The following KCNH7 variants were observed in gnomAD, a reference collection of about 807,000 sequenced individuals.
KCNH7 encodes the protein voltage-gated inwardly rectifying potassium channel KCNH7.
In KCNH7, 49 loss-of-function variants were observed where a neutral mutation model predicts 120.8. The ratio of observed to expected loss-of-function variants is 0.41; its 90% CI spans 0.32 to 0.51. The LOEUF (loss-of-function observed/expected upper bound fraction) is 0.51, where lower values mean the gene tolerates loss of function less well. KCNH7 is among the 20% of genes least tolerant of loss of function. The pLI is 0.38. For synonymous variants in KCNH7, 547 were observed against 516.1 expected (o/e 1.06, Z -0.81); for missense variants, 1,097 against 1,446.6 (o/e 0.76, Z 3.92).
rs905053751 is a variant in KCNH7 at position 162,409,262 on chromosome 2, A to G, written c.2155-8821T>C. 4.0e-5 allele frequency among the ~76,000 whole-genome samples: 6 copies of G among 151,868 alleles called. No homozygotes were observed. In the South Asian group the frequency reaches 1.0e-3, roughly 26 times the overall value. On this transcript the variant is annotated intron_variant, in intron 9 of 15. Coordinates refer to ENST00000332142, the MANE Select transcript of KCNH7 (RefSeq NM_033272.4). ...ATAAGAAAAGCAGAGGCATGGGCTG[A>G]TACAGAAAATATTATTTTATAAAAG...
chr2:162,518,367 A>T (rs964700508), intron 3 of KCNH7, among the ~76,000 whole-genome samples: 1 of 151,874 alleles, frequency 6.6e-6, no homozygotes, highest in Non-Finnish European at 1.5e-5. Flanking sequence ...TAATTTTATC[A>T]TATTTCTGAT....
At chr2:162,722,575 G>A (rs1034815085) in intron 2 of KCNH7, among the ~76,000 whole-genome samples, 3 of 152,000 alleles carry the variant, frequency 2.0e-5, no homozygotes, top group African/African-American at 7.2e-5. Context: ...ATGTCTCAGT[G>A]TAGACCAGTT....
chr2:162,806,138 G>A (rs1684533143), intron 2 of KCNH7, among the ~76,000 whole-genome samples: 3 of 152,086 alleles, frequency 2.0e-5, no homozygotes, highest in South Asian at 2.1e-4. Context: ...GATACAGTAT[G>A]CACTACTTGG....
intron 2 of KCNH7, among the ~76,000 whole-genome samples, chr2:162,575,070 A>G (rs144893162): frequency 1.3e-5 from 2 of 152,184 alleles, no homozygotes; most frequent in African/African-American, 4.8e-5. Flanking sequence ...AATTCATACC[A>G]GGTCTTGCCT....
intron 6 of KCNH7, among the ~76,000 whole-genome samples, chr2:162,450,497 A>C (rs1213160117): frequency 6.6e-6 from 1 of 152,104 alleles, no homozygotes; most frequent in African/African-American, 2.4e-5. Flanking sequence ...AGCTTTATTT[A>C]TATAGCAAGC....
chr2:162,814,502 A>C (rs1684849648), intron 2 of KCNH7, among the ~76,000 whole-genome samples: 1 of 152,202 alleles, frequency 6.6e-6, no homozygotes, highest in African/African-American at 2.4e-5. Flanking sequence ...GTTTGGAACA[A>C]AGACTTGTTA....
At chr2:162,699,723 C>T (rs1334676936) in intron 2 of KCNH7, among the ~76,000 whole-genome samples, 3 of 152,078 alleles carry the variant, frequency 2.0e-5, no homozygotes, top group Non-Finnish European at 2.9e-5. Context: ...CAATAATCAC[C>T]TCTAATAACT....
chr2:162,744,638 T>C lies in KCNH7; in HGVS notation c.307+91899A>G, dbSNP rs187748088. Among the ~76,000 whole-genome samples the C allele has an allele frequency of 8.4e-3, 1,267 of 150,316 alleles. 15 individuals carry two copies. Among genetic ancestry groups the C allele is most frequent in the African/African-American group, 0.03 (1,207 of 40,832 alleles). On this transcript the variant is annotated intron_variant, in intron 2 of 15. Transcript: ENST00000332142. ...CCCAGGCTGGAATGCAGTGGCGTGA[T>C]CTCCGCTTACTGCAAGCTTCGCCTC...
intron 2 of KCNH7, among the ~76,000 whole-genome samples, chr2:162,655,569 G>A (rs552859045): frequency 5.3e-5 from 8 of 151,862 alleles, no homozygotes; most frequent in African/African-American, 1.7e-4. Context: ...GGCGGATCAC[G>A]AGGTCAAGAG....
intron 2 of KCNH7, among the ~76,000 whole-genome samples, chr2:162,587,549 G>A (rs558521384): frequency 7.9e-5 from 12 of 152,142 alleles, no homozygotes; most frequent in African/African-American, 2.6e-4. Context: ...GATAGCAGAA[G>A]CAGCAGAAAA....
chr2:162,487,024 G>A (rs989535068), intron 6 of KCNH7, among the ~76,000 whole-genome samples: 1 of 152,162 alleles, frequency 6.6e-6, no homozygotes, highest in African/African-American at 2.4e-5. Context: ...TCTGGCCTAG[G>A]TAAGTTCTCT....
At chr2:162,634,152 A>G (rs529454840) in intron 2 of KCNH7, among the ~76,000 whole-genome samples, 3 of 152,218 alleles carry the variant, frequency 2.0e-5, no homozygotes, top group Non-Finnish European at 2.9e-5. Flanking sequence ...CTATAAGGAC[A>G]TTGTTTTCCT....
chr2:162,505,648 G>A (rs938651057), intron 5 of KCNH7, among the ~76,000 whole-genome samples: 10 of 151,776 alleles, frequency 6.6e-5, no homozygotes, highest in South Asian at 6.2e-4. Context: ...GCAATATTAC[G>A]TACACTGTTA....
At chr2:162,485,657 A>G (rs1470774339) in intron 6 of KCNH7, among the ~76,000 whole-genome samples, 1 of 152,190 alleles carries the variant, frequency 6.6e-6, no homozygotes, top group Non-Finnish European at 1.5e-5. Context: ...AGAGGGAGAG[A>G]GAATGTATGA....
chr2:162,415,225 C>A (rs963653772), intron 9 of KCNH7, among the ~76,000 whole-genome samples: 11 of 152,006 alleles, frequency 7.2e-5, no homozygotes, highest in African/African-American at 2.6e-4. Flanking sequence ...TTCTCTGGAG[C>A]ATTTCCCAGT....
At chr2:162,442,174 C>T (rs1051157896) in intron 7 of KCNH7, among the ~76,000 whole-genome samples, 9 of 151,096 alleles carry the variant, frequency 6.0e-5, no homozygotes, top group African/African-American at 1.9e-4. Flanking sequence ...TACAGGCGCC[C>T]GCCACCACGC....
intron 2 of KCNH7, among the ~76,000 whole-genome samples, chr2:162,553,828 C>A (rs1692767408): frequency 6.6e-6 from 1 of 152,042 alleles, no homozygotes; most frequent in Non-Finnish European, 1.5e-5. Context: ...GACAAGGTCC[C>A]CACATGAGCA....
chr2:162,741,551 G>A (rs1688138117), intron 2 of KCNH7, among the ~76,000 whole-genome samples: 1 of 151,946 alleles, frequency 6.6e-6, no homozygotes. Context: ...TGTTTTACCA[G>A]CATGCTCATA....
intron 9 of KCNH7, among the ~76,000 whole-genome samples, chr2:162,413,592 A>T (rs1174164206): frequency 1.3e-5 from 2 of 152,158 alleles, no homozygotes; most frequent in African/African-American, 4.8e-5. Context: ...TTTTCTATTC[A>T]TGTGAAGGAA....
Sources: allele counts gnomAD v4.1 joint callset (sites outside exome capture counted in the v4.1 genomes callset), GRCh38; gene constraint gnomAD v4.1.1; transcripts MANE v1.5; gene names NCBI Gene and HGNC (gene_info 2026-07-23, HGNC 2026-07-21).